The following PRPSAP1 variants were observed in gnomAD, a reference collection of about 807,000 sequenced individuals.
The protein encoded by PRPSAP1 is phosphoribosyl pyrophosphate synthetase associated protein 1.
A neutral mutation model predicts 39.4 loss-of-function variants in PRPSAP1; 31 were observed. That is an observed-to-expected ratio of 0.79 (90% CI 0.59 to 1.06). The LOEUF is 1.06. PRPSAP1 is among the 50% of genes least tolerant of loss of function. The pLI is 0.00. For missense variants in PRPSAP1, 430 were observed against 511.6 expected (o/e 0.84, Z 1.54); for synonymous variants, 212 against 192.6 (o/e 1.10, Z -0.83).
At chr17:76,328,074 A>G (rs924784278) in intron 7 of PRPSAP1, among the ~76,000 whole-genome samples, 7 of 151,858 alleles carry the variant, frequency 4.6e-5, no homozygotes, top group Non-Finnish European at 1.0e-4. Flanking sequence ...GTGTACCCCT[A>G]CAGTCCCAGC....
intron 6 of PRPSAP1, among the ~76,000 whole-genome samples, chr17:76,329,722 T>A (rs1423291796): frequency 6.8e-6 from 1 of 148,070 alleles, no homozygotes; most frequent in Non-Finnish European, 1.5e-5. Flanking sequence ...GGTGACAGAA[T>A]GAAACTCCAT....
chr17:76,334,360 G>C (rs2071357393), intron 3 of PRPSAP1, among the ~76,000 whole-genome samples: 1 of 152,224 alleles, frequency 6.6e-6, no homozygotes, highest in Non-Finnish European at 1.5e-5. Flanking sequence ...ACACAGCAGA[G>C]TTAGCGTTTG....
In PRPSAP1 at chr17:76,353,766, C is replaced by T. The variant is rs747423840; in HGVS notation, c.-63G>A. On this transcript the variant is annotated 5_prime_UTR_variant, in exon 1 of 10. Coordinates refer to ENST00000446526, the MANE Select transcript of PRPSAP1 (RefSeq NM_002766.3). Reference sequence around the variant, plus strand: ...GGGGCTGCACTCTGAGTGCTTCCGACTGCGAGACCCCGGTTTGGGTGGGGA... The same window carrying T: ...GGGGCTGCACTCTGAGTGCTTCCGATTGCGAGACCCCGGTTTGGGTGGGGA... 2.9e-5 allele frequency: 40 copies of T among 1,395,928 alleles called. No homozygotes were observed. The highest frequency in any genetic ancestry group is 3.5e-5 in the Non-Finnish European group (38 of 1,083,752). 86.5% of individuals were successfully genotyped at this position (1,395,928 alleles called of 1,614,324 possible). A position where few individuals can be genotyped will look rare whatever the true frequency, so the allele number is the denominator to read the frequency against.
Position 76,332,405 on chromosome 17 carries a change from G to A in PRPSAP1, c.321C>T (p.Leu107=). Residue 107 remains leucine (L), a synonymous_variant, in exon 4 of 10, where the codon CTC becomes CTT. Transcript: ENST00000446526. ...CAGTCTTCAGTGCGTAAGCCATGATGAGCAACTCCATCACAGCTGTATTCA... is the reference window on the plus strand; with the variant it reads ...CAGTCTTCAGTGCGTAAGCCATGATAAGCAACTCCATCACAGCTGTATTCA... The part of the protein sequence containing the change: ...RDVNTAVMEL[L]IMAYALKTAC... The A allele has an allele frequency of 6.2e-7, 1 of 1,614,200 alleles. No homozygotes were observed. The highest frequency in any genetic ancestry group is 1.1e-5 in the South Asian group (1 of 91,080).
intron 2 of PRPSAP1, among the ~76,000 whole-genome samples, chr17:76,347,827 G>C (rs919468052): frequency 2.0e-4 from 31 of 152,210 alleles, no homozygotes; most frequent in Admixed American, 7.9e-4. Context: ...AGCAGAGGTT[G>C]TGAGAAAGGG....
chr17:76,337,600 A>G (rs2143518633), intron 3 of PRPSAP1, among the ~76,000 whole-genome samples: 2 of 152,196 alleles, frequency 1.3e-5, no homozygotes, highest in South Asian at 4.1e-4. Context: ...GCAGCTGGGA[A>G]TTTTTTGTTG....
At position 76,311,532 on chromosome 17, in the gene PRPSAP1, C is replaced by T. The variant is rs769444294; in HGVS notation, c.*10G>A. Reference sequence around the variant, plus strand: ...CCTCAGGAGGTCCAGGGTCGAGACCCTCGTGAAAGCTAGTCATCCACAGTG... The same window carrying T: ...CCTCAGGAGGTCCAGGGTCGAGACCTTCGTGAAAGCTAGTCATCCACAGTG... On this transcript the variant is annotated 3_prime_UTR_variant, in exon 10 of 10. Transcript: ENST00000446526. 6.2e-7 allele frequency: 1 copy of T among 1,612,750 alleles called. No homozygotes were observed. The highest frequency in any genetic ancestry group is 1.1e-5 in the South Asian group (1 of 90,882).
At chr17:76,331,350 C>G (rs1224229941) in intron 4 of PRPSAP1, among the ~76,000 whole-genome samples, 1 of 152,164 alleles carries the variant, frequency 6.6e-6, no homozygotes, top group Non-Finnish European at 1.5e-5. Flanking sequence ...AATTCACATA[C>G]AGTTGACCAT....
intron 8 of PRPSAP1, chr17:76,313,457 C>T (rs2071089834): frequency 7.3e-6 from 2 of 274,978 alleles, no homozygotes; most frequent in Non-Finnish European, 1.4e-5. Context: ...CAGAACGAGT[C>T]TGCACGGGGA....
intron 1 of PRPSAP1, 43 bp downstream of exon 1, chr17:76,353,491 A>C: frequency 6.9e-7 from 1 of 1,456,616 alleles, no homozygotes; most frequent in Non-Finnish European, 9.0e-7. Flanking sequence ...AAGGAGAGCT[A>C]GGCGCCGCCG....
intron 9 of PRPSAP1, 104 bp from the exon 10 acceptor site, chr17:76,311,804 C>A: frequency 7.6e-7 from 1 of 1,314,070 alleles, no homozygotes; most frequent in East Asian, 2.5e-5. Context: ...AGCCTAAGTT[C>A]CAAACTACAA....
intron 1 of PRPSAP1, among the ~76,000 whole-genome samples, chr17:76,351,619 G>A (rs781416045): frequency 3.9e-5 from 6 of 152,176 alleles, no homozygotes; most frequent in African/African-American, 7.2e-5. Flanking sequence ...CTTGGGACGT[G>A]GAGGTTGCAG....
rs865776045 is a variant in PRPSAP1, at chr17:76,325,264, C to G, written c.781+3453G>C. On this transcript the variant is annotated intron_variant, in intron 7 of 9. Transcript: ENST00000446526. Reference sequence around the variant, plus strand: ...CTCTACTAAAAATACAAAAAATTACCCGGGCGTGGTAGCGGGTGCCTGTAG... The same window carrying G: ...CTCTACTAAAAATACAAAAAATTACGCGGGCGTGGTAGCGGGTGCCTGTAG... Among the ~76,000 whole-genome samples, 2 of 149,950 alleles carry G rather than the reference C, an allele frequency of 1.3e-5. 1 individual carries two copies. Among genetic ancestry groups the G allele is most frequent in the South Asian group, 4.2e-4 (2 of 4,722 alleles).
intron 1 of PRPSAP1, among the ~76,000 whole-genome samples, chr17:76,351,438 C>G (rs550587160): frequency 6.6e-6 from 1 of 152,092 alleles, no homozygotes; most frequent in Non-Finnish European, 1.5e-5. Flanking sequence ...TGGCGTGAAC[C>G]CTGGGGGCGT....
At chr17:76,320,341 G>GAGGGAGGAAGGA (rs1555592793) in intron 7 of PRPSAP1, among the ~76,000 whole-genome samples, 2 of 68,394 alleles carry the variant, frequency 2.9e-5, no homozygotes, top group African/African-American at 2.1e-4. Context: ...GGGAGGGAGG[G>GAGGGAGGAAGGA]AGGAAGGAAG....
chr17:76,320,087 T>G (rs1207367965), intron 7 of PRPSAP1, among the ~76,000 whole-genome samples: 1 of 151,854 alleles, frequency 6.6e-6, no homozygotes, highest in Non-Finnish European at 1.5e-5. Context: ...CTGGCCAACA[T>G]GGCGAAACCC....
rs771394950 is a variant in PRPSAP1, at chr17:76,311,701, CTAGTCACACAGTGATGGA to C, written c.1000-19_1000-2del. 554 of 1,613,116 alleles carry C rather than the reference CTAGTCACACAGTGATGGA, an allele frequency of 3.4e-4. No homozygotes were observed. The highest frequency in any genetic ancestry group is 4.4e-4 in the Non-Finnish European group (514 of 1,179,554). On this transcript the variant is annotated splice_acceptor_variant and splice_polypyrimidine_tract_variant and intron_variant, in intron 9 of 9. Coordinates refer to ENST00000446526, the MANE Select transcript of PRPSAP1 (RefSeq NM_002766.3). LOFTEE classifies it high-confidence loss of function. ...GAGGGACAGTATTCGTCACCACCAC[CTAGTCACACAGTGATGGA>C]AAACAAACGCTGTTACTGAAGTCTG...
At chr17:76,323,228 G>A (rs546784847) in intron 7 of PRPSAP1, among the ~76,000 whole-genome samples, 13 of 114,308 alleles carry the variant, frequency 1.1e-4, no homozygotes, top group Non-Finnish European at 1.9e-4. Context: ...TGCAATCCCA[G>A]AAACTCGAGA....
At position 76,311,697 on chromosome 17, in the gene PRPSAP1, C is replaced by A. The variant is rs768829494; in HGVS notation, c.1003G>T (p.Val335Leu). ...LIEESSVDEV[V>L]VTNTVPHEVQ... ...TCATGAGGGACAGTATTCGTCACCA[C>A]CACCTAGTCACACAGTGATGGAAAA... The change falls in exon 10 of 10, where the codon GTG (valine) becomes TTG (leucine). Residue 335 changes from valine to leucine, a missense_variant. Coordinates refer to ENST00000446526, the MANE Select transcript of PRPSAP1 (RefSeq NM_002766.3). The A allele has an allele frequency of 3.1e-6, 5 of 1,613,268 alleles. No homozygotes were observed. In the South Asian group the frequency reaches 5.5e-5, roughly 18 times the overall value.
Sources: gnomAD v4.1 joint callset for allele counts (sites outside exome capture counted in the v4.1 genomes callset) on GRCh38, gnomAD v4.1.1 for gene constraint, MANE v1.5 for transcripts, NCBI Gene and HGNC (gene_info 2026-07-23, HGNC 2026-07-21) for gene names.